The following PROM1 variants were observed in gnomAD, a reference collection of about 807,000 sequenced individuals.
The protein encoded by PROM1 is prominin-1.
Under a neutral mutation model 116.9 loss-of-function variants are expected in PROM1, and 105 were observed. That is an observed-to-expected ratio of 0.90 (90% CI 0.77 to 1.06). PROM1 has a LOEUF of 1.06. PROM1 is among the 50% of genes least tolerant of loss of function. The probability of loss-of-function intolerance (pLI) is 0.00; values close to 1 mark genes in which losing one functional copy is unlikely to be tolerated. For missense variants in PROM1, 1,122 were observed against 1,045.2 expected (o/e 1.07, Z -1.01); for synonymous variants, 393 against 387.0 (o/e 1.02, Z -0.18).
chr4:16,009,616 A>AAAT (rs1300579933), intron 11 of PROM1, among the ~76,000 whole-genome samples: 1 of 152,046 alleles, frequency 6.6e-6, no homozygotes, highest in Non-Finnish European at 1.5e-5. Flanking sequence ...TTGGGAAAAT[A>AAAT]AATAATAATA....
chr4:16,011,468 A>G (rs1293790336), intron 11 of PROM1, among the ~76,000 whole-genome samples: 6 of 152,234 alleles, frequency 3.9e-5, no homozygotes, highest in Non-Finnish European at 7.3e-5. Flanking sequence ...ATCCAGGCTG[A>G]CAGAGCGGCA....
chr4:15,974,871 G>A (rs1715703536), intron 26 of PROM1, among the ~76,000 whole-genome samples: 1 of 152,156 alleles, frequency 6.6e-6, no homozygotes, highest in South Asian at 2.1e-4. Context: ...GAAAACTGTT[G>A]GCGATAAACA....
chr4:15,984,157 G>T, intron 23 of PROM1, 106 bp downstream of exon 23: 1 of 941,902 alleles, frequency 1.1e-6, no homozygotes, highest in Non-Finnish European at 1.6e-6. Context: ...TTTAGGTTTT[G>T]GATTCTCTCA....
At chr4:16,066,100 C>T (rs1309830760) in intron 2 of PROM1, among the ~76,000 whole-genome samples, 1 of 152,136 alleles carries the variant, frequency 6.6e-6, no homozygotes, top group African/African-American at 2.4e-5. Flanking sequence ...CGTGGCCCTG[C>T]CCACACCTAG....
chr4:16,064,523 C>A (rs1300568486), intron 2 of PROM1, among the ~76,000 whole-genome samples: 1 of 152,206 alleles, frequency 6.6e-6, no homozygotes, highest in Non-Finnish European at 1.5e-5. Flanking sequence ...GTACTAGTTA[C>A]ACGGATGCGA....
chr4:16,060,564 G>GA (rs946129491), intron 2 of PROM1, among the ~76,000 whole-genome samples: 8 of 149,852 alleles, frequency 5.3e-5, no homozygotes, highest in African/African-American at 7.3e-5. Context: ...AATTCCTTTT[G>GA]AAAAAAAAAT....
At position 15,980,432 on chromosome 4, in the gene PROM1, C is replaced by A; in HGVS notation, c.2479G>T (p.Val827Leu). ...KYYRRMDSED[V>L]YDDVETIPMK... ...AGCCCACATACTTACTCATCGTACA[C>A]GTCCTCCGAATCCATTCGACGATAG... The change falls in exon 24 of 28, where the codon GTG (valine) becomes TTG (leucine). Residue 827 changes from valine (V) to leucine (L), a missense_variant. Transcript: ENST00000447510. 2 of 1,546,476 alleles carry A rather than the reference C, an allele frequency of 1.3e-6. No individual in the cohort carries two copies. Among genetic ancestry groups the A allele is most frequent in the East Asian group, 2.4e-5 (1 of 41,240 alleles).
chr4:16,000,509 T>G lies in PROM1; in HGVS notation c.1565A>C (p.Lys522Thr). The stretch of plus-strand genomic sequence containing the variant: ...AATCATATTTACCCGGAATAATTCC[T>G]TGCTCGTGTAAGGTTCACAGATCAG... Reference protein sequence around the residue: ...EKLICEPYTSKELFRVLDTPY... With the variant: ...EKLICEPYTSTELFRVLDTPY... Residue 522 changes from lysine (K) to threonine (T), a missense_variant, in exon 14 of 28, where the codon AAG becomes ACG. Lys to Thr is a moderately conservative substitution (Grantham distance 78). Coordinates refer to ENST00000447510, the MANE Select transcript of PROM1 (RefSeq NM_006017.3). 2 of 1,591,538 alleles carry G rather than the reference T, an allele frequency of 1.3e-6. No homozygotes were observed. The highest frequency in any genetic ancestry group is 1.7e-6 in the Non-Finnish European group (2 of 1,161,232).
Position 16,038,534 on chromosome 4 carries a change from T to C in PROM1, c.276+412A>G, listed in dbSNP as rs147762093. 6.3e-3 allele frequency among the ~76,000 whole-genome samples: 965 copies of C among 152,104 alleles called. 9 individuals carry two copies. Among genetic ancestry groups the C allele is most frequent in the Non-Finnish European group, 0.01 (684 of 67,968 alleles). Reference sequence around the variant, plus strand: ...TCTCCTGCCTCAGCCTCCCGAATACTTGGGACTACAGGCGAGTGCCACCAC... The same window carrying C: ...TCTCCTGCCTCAGCCTCCCGAATACCTGGGACTACAGGCGAGTGCCACCAC... On this transcript the variant is annotated intron_variant, in intron 3 of 27. Transcript: ENST00000447510.
chr4:16,025,164 C>T (rs558934625), intron 6 of PROM1, 28 bp downstream of exon 6: 22 of 1,604,976 alleles, frequency 1.4e-5, no homozygotes, highest in South Asian at 8.9e-5. Flanking sequence ...TATAAAGCAT[C>T]GCGGTACATA....
intron 4 of PROM1, among the ~76,000 whole-genome samples, chr4:16,035,412 C>G (rs960664873): frequency 1.3e-5 from 2 of 152,190 alleles, no homozygotes; most frequent in Admixed American, 6.5e-5. Flanking sequence ...GATAACACAG[C>G]CTTTCTAATG....
intron 26 of PROM1, 92 bp downstream of exon 26, chr4:15,979,303 G>A: frequency 3.8e-6 from 6 of 1,581,638 alleles, no homozygotes; most frequent in African/African-American, 1.3e-5. Context: ...AGAAGTGAAG[G>A]CATCAGCAGC....
chr4:15,994,130 A>T (rs984088286), intron 15 of PROM1, 59 bp from the exon 16 acceptor site: 43 of 1,605,562 alleles, frequency 2.7e-5, no homozygotes, highest in Middle Eastern at 1.7e-4. Flanking sequence ...ACCTCTGTCC[A>T]CCACTGAAGA....
intron 13 of PROM1, among the ~76,000 whole-genome samples, chr4:16,004,866 TC>T (rs1182679306): frequency 7.2e-5 from 10 of 138,988 alleles, no homozygotes; most frequent in Non-Finnish European, 1.1e-4. Flanking sequence ...CCTTCCTCTC[TC>T]TCTCCCTCTC....
intron 8 of PROM1, among the ~76,000 whole-genome samples, chr4:16,019,396 TCA>T (rs2149310429): frequency 6.6e-6 from 1 of 152,370 alleles, no homozygotes; most frequent in Non-Finnish European, 1.5e-5. Flanking sequence ...GCCACAGCTC[TCA>T]GTCAGCCATG....
At chr4:16,027,647 T>A (rs1358170683) in intron 5 of PROM1, among the ~76,000 whole-genome samples, 1 of 152,196 alleles carries the variant, frequency 6.6e-6, no homozygotes, top group Non-Finnish European at 1.5e-5. Flanking sequence ...GGGATATGTC[T>A]CACTTCAGAC....
At chr4:15,985,900 T>TACAGATAAAAATATTTAAC in intron 21 of PROM1, 57 bp downstream of exon 21, 1 of 1,384,016 alleles carries the variant, frequency 7.2e-7, no homozygotes, top group Non-Finnish European at 1.0e-6. Context: ...AAATATTTAA[T>TACAGATAAAAATATTTAAC]CTGTAACATT....
At chr4:16,076,760 T>A in intron 1 of PROM1, 1 of 165,276 alleles carries the variant, frequency 6.1e-6, no homozygotes, top group Non-Finnish European at 1.3e-5. Context: ...ATTCTTCAGC[T>A]TGAGATGCTG....
intron 9 of PROM1, 154 bp downstream of exon 9, chr4:16,018,169 T>C (rs1162086049): frequency 1.0e-5 from 7 of 667,092 alleles, no homozygotes; most frequent in East Asian, 2.7e-5. Context: ...CATTCCAATA[T>C]GGTGATCAAA....
Sources: allele counts gnomAD v4.1 joint callset (sites outside exome capture counted in the v4.1 genomes callset), GRCh38; gene constraint gnomAD v4.1.1; transcripts MANE v1.5; gene names NCBI Gene and HGNC (gene_info 2026-07-23, HGNC 2026-07-21).